LRRC63: variants seen among roughly 807,000 people sequenced by gnomAD.
The protein encoded by LRRC63 is leucine rich repeat containing 63.
LRRC63 carries 40 observed loss-of-function variants against 49.5 expected under a neutral mutation model. The ratio of observed to expected loss-of-function variants is 0.81; its 90% CI spans 0.63 to 1.05. The LOEUF is 1.05. LRRC63 is among the 50% of genes least tolerant of loss of function. LRRC63 has a pLI of 0.00. For synonymous variants in LRRC63, 191 were observed against 221.1 expected (o/e 0.86, Z 1.21); for missense variants, 636 against 663.1 (o/e 0.96, Z 0.45).
At chr13:46,246,994 C>T (rs969754630) in intron 6 of LRRC63, among the ~76,000 whole-genome samples, 2 of 152,038 alleles carry the variant, frequency 1.3e-5, no homozygotes, top group Admixed American at 1.3e-4. Context: ...GTTTTAATTA[C>T]CAAACGATAA....
exon 8 of LRRC63, chr13:46,261,963 T>C (rs2047621553): frequency 8.5e-7 from 1 of 1,174,356 alleles, no homozygotes; most frequent in African/African-American, 1.6e-5. Flanking sequence ...ATGAACTTAC[T>C]TTTATTCCAA....
At chr13:46,258,350 T>C (rs28615134) in intron 7 of LRRC63, among the ~76,000 whole-genome samples, 12,299 of 149,932 alleles carry the variant, frequency 0.082, 1,589 homozygotes, top group African/African-American at 0.28. Flanking sequence ...AGGCTGGTCT[T>C]GAACTCCTGA....
chr13:46,270,547 A>G (rs755998670), intron 9 of LRRC63: 23 of 831,590 alleles, frequency 2.8e-5, no homozygotes, highest in Non-Finnish European at 4.5e-5. Flanking sequence ...AAAACATAAC[A>G]GAAGGGTTAC....
At chr13:46,270,270 GCA>G (rs763923931) in intron 9 of LRRC63, 161 of 873,746 alleles carry the variant, frequency 1.8e-4, no homozygotes, top group Non-Finnish European at 3.0e-4. Context: ...ACAATTAAAA[GCA>G]TTCCCTGTCA....
chr13:46,219,292 G>T (rs575745682), intron 2 of LRRC63, among the ~76,000 whole-genome samples: 1 of 152,146 alleles, frequency 6.6e-6, no homozygotes, highest in Non-Finnish European at 1.5e-5. Flanking sequence ...TGGAGGCTTT[G>T]TTCGTTCCTT....
rs534193917 is a variant in LRRC63 at position 46,240,576 on chromosome 13, G to GA, written c.991-5947dup. On this transcript the variant is annotated intron_variant, in intron 5 of 9. Transcript: ENST00000595396. ...TGCAAATGGCATGATCCCATGTCTA[G>GA]AAAACCTCGTAGTCTCAGCCCAAAA... is the stretch of plus-strand genomic sequence containing the variant. 5.9e-5 allele frequency among the ~76,000 whole-genome samples: 9 copies of GA among 152,266 alleles called. No homozygotes were observed. The East Asian group carries it at 1.7e-3, about 29-fold the overall frequency.
At chr13:46,215,641 T>G (rs2138341466) in intron 2 of LRRC63, among the ~76,000 whole-genome samples, 1 of 152,346 alleles carries the variant, frequency 6.6e-6, no homozygotes, top group South Asian at 2.1e-4. Flanking sequence ...TTTGTCAGTT[T>G]TGGCTTTGGT....
At chr13:46,246,391 C>T (rs528820733) in intron 5 of LRRC63, 136 bp from the exon 6 acceptor site, 17 of 411,470 alleles carry the variant, frequency 4.1e-5, no homozygotes, top group African/African-American at 1.7e-4. Flanking sequence ...AATGAATGGA[C>T]GAGGAGTATA....
chr13:46,259,456 C>A (rs963781181), intron 7 of LRRC63, among the ~76,000 whole-genome samples: 4 of 152,146 alleles, frequency 2.6e-5, no homozygotes. Context: ...GAAATAGCTA[C>A]TTCAACTGAG....
At chr13:46,273,601 TAAAAAAAAA>T (rs66994107) in intron 9 of LRRC63, among the ~76,000 whole-genome samples, 9 of 109,486 alleles carry the variant, frequency 8.2e-5, no homozygotes, top group Non-Finnish European at 1.3e-4. Flanking sequence ...GAATCTGCCT[TAAAAAAAAA>T]AAAAAAAAAA....
At chr13:46,276,672 T>G (rs2047841351) in exon 10 of LRRC63, 22 of 1,231,350 alleles carry the variant, frequency 1.8e-5, no homozygotes, top group Non-Finnish European at 2.2e-5. Context: ...TTTTGGAGCA[T>G]CACAGCTTCC....
rs866127170 is a variant in LRRC63 at position 46,252,438 on chromosome 13, C to G, written c.1226+1947C>G. On this transcript the variant is annotated intron_variant, in intron 7 of 9. Coordinates refer to ENST00000595396, the Ensembl canonical transcript of LRRC63. The stretch of plus-strand genomic sequence containing the variant: ...CATCACAAGCAATTGCACTGATACA[C>G]TTTGAATGTTATACTTTCATTCTTG... Among the ~76,000 whole-genome samples the G allele has an allele frequency of 2.0e-5, 3 of 152,136 alleles. No homozygotes were observed. The South Asian group carries it at 6.2e-4, about 32-fold the overall frequency.
At chr13:46,270,382 C>A in intron 9 of LRRC63, 1 of 859,492 alleles carries the variant, frequency 1.2e-6, no homozygotes, top group South Asian at 1.3e-5. Flanking sequence ...GTAAGATTTA[C>A]TGCTCAGATG....
intron 7 of LRRC63, among the ~76,000 whole-genome samples, chr13:46,259,814 T>C (rs1426076531): frequency 6.6e-6 from 1 of 152,186 alleles, no homozygotes; most frequent in East Asian, 1.9e-4. Flanking sequence ...TACCATATAG[T>C]AGGCTTTTAA....
At chr13:46,260,477 C>T (rs1040947421) in intron 7 of LRRC63, among the ~76,000 whole-genome samples, 1 of 152,162 alleles carries the variant, frequency 6.6e-6, no homozygotes, top group Admixed American at 6.5e-5. Context: ...ATGTACTAGA[C>T]AGCATGTAAG....
At chr13:46,235,751 A>G (rs1315207252) in intron 5 of LRRC63, among the ~76,000 whole-genome samples, 1 of 152,212 alleles carries the variant, frequency 6.6e-6, no homozygotes, top group African/African-American at 2.4e-5. Flanking sequence ...GCCAATCATC[A>G]TGCTTATGAA....
At chr13:46,231,885 G>A (rs181464006) in intron 4 of LRRC63, among the ~76,000 whole-genome samples, 3 of 134,562 alleles carry the variant, frequency 2.2e-5, no homozygotes, top group Non-Finnish European at 3.1e-5. Context: ...GCAAGATCTC[G>A]GCTCACTGCA....
At chr13:46,258,181 G>A (rs930571877) in intron 7 of LRRC63, among the ~76,000 whole-genome samples, 7 of 142,890 alleles carry the variant, frequency 4.9e-5, no homozygotes, top group African/African-American at 1.9e-4. Context: ...CCAGGCTGGA[G>A]TGCAATGGCA....
rs1216072970 is a variant in LRRC63 at position 46,250,641 on chromosome 13, G to A, written c.1226+150G>A. 3.2e-5 allele frequency: 21 copies of A among 652,204 alleles called. No homozygotes were observed. In the East Asian group the frequency reaches 5.7e-4, roughly 18 times the overall value. The allele number at this position is 652,204 out of a possible 1,614,324, so 40.4% of individuals were successfully genotyped here. On this transcript the variant is annotated intron_variant, in intron 7 of 9. Coordinates refer to ENST00000595396, the Ensembl canonical transcript of LRRC63. ...TAGCTAATACGCTTCTTCTTATGGT[G>A]TTAAAAACAATCCTACCAGCTACAT...
Sources: allele counts gnomAD v4.1 joint callset (sites outside exome capture counted in the v4.1 genomes callset), GRCh38; gene constraint gnomAD v4.1.1; transcripts MANE v1.5; gene names NCBI Gene and HGNC (gene_info 2026-07-23, HGNC 2026-07-21).